The following FBN2 variants were observed in gnomAD, a reference collection of about 807,000 sequenced individuals.
The protein encoded by FBN2 is fibrillin 2.
In FBN2, 105 loss-of-function variants were observed where a neutral mutation model predicts 355.6. That is an observed-to-expected ratio of 0.30 (90% CI 0.25 to 0.35). The LOEUF is 0.35. Among genes scored for constraint, FBN2 ranks in the 10% least tolerant of loss-of-function variants. The pLI is 1.00. For missense variants in FBN2, 3,280 were observed against 3,758.7 expected (o/e 0.87, Z 3.33); for synonymous variants, 1,350 against 1,301.2 (o/e 1.04, Z -0.81).
Position 128,418,483 on chromosome 5 carries a change from G to A in FBN2, c.953-9684C>T, listed in dbSNP as rs376301322. The stretch of plus-strand genomic sequence containing the variant: ...ACTTTTTCTGACCCAGGTATTTATT[G>A]CTACAAACTTTCCTCTTAGCATTAC... On this transcript the variant is annotated intron_variant, in intron 7 of 64. Transcript: ENST00000262464. Among the ~76,000 whole-genome samples the A allele has an allele frequency of 2.0e-5, 3 of 152,050 alleles. No homozygotes were observed. The East Asian group carries it at 5.8e-4, about 29-fold the overall frequency.
At chr5:128,341,479 C>T (rs1751018989) in intron 25 of FBN2, among the ~76,000 whole-genome samples, 1 of 152,198 alleles carries the variant, frequency 6.6e-6, no homozygotes, top group Admixed American at 6.5e-5. Context: ...CTCCCCCTCC[C>T]CGTCAGCTAT....
At chr5:128,288,719 A>G (rs1320333926) in intron 52 of FBN2, among the ~76,000 whole-genome samples, 162 bp from the exon 53 acceptor site, 1 of 152,206 alleles carries the variant, frequency 6.6e-6, no homozygotes, top group Non-Finnish European at 1.5e-5. Context: ...TATGTAGTGC[A>G]GAGGGTCTGA....
intron 39 of FBN2, among the ~76,000 whole-genome samples, chr5:128,310,398 ATATATTTTTTTTTTTT>A (rs1446129722): frequency 8.9e-4 from 10 of 11,220 alleles, no homozygotes; most frequent in African/African-American, 1.7e-3. Flanking sequence ...ATATATATAT[ATATATTTTTTTTTTTT>A]TTTTTTTATT....
chr5:128,391,585 T>G (rs1364029750), intron 11 of FBN2, among the ~76,000 whole-genome samples: 1 of 152,200 alleles, frequency 6.6e-6, no homozygotes, highest in Admixed American at 6.5e-5. Flanking sequence ...TTTTAAGAGT[T>G]GAAATGAGTC....
intron 5 of FBN2, among the ~76,000 whole-genome samples, chr5:128,487,230 T>C (rs1479805164): frequency 1.3e-5 from 2 of 152,178 alleles, no homozygotes; most frequent in African/African-American, 4.8e-5. Flanking sequence ...AGATAGAGCC[T>C]CCTTCATTCC....
chr5:128,528,199 A>T (rs954727828), intron 3 of FBN2, among the ~76,000 whole-genome samples: 3 of 151,296 alleles, frequency 2.0e-5, no homozygotes, highest in Admixed American at 6.6e-5. Context: ...TTCCAATGTT[A>T]AAAAAAAATA....
At chr5:128,497,603 T>G (rs778829953) in intron 5 of FBN2, among the ~76,000 whole-genome samples, 1 of 152,206 alleles carries the variant, frequency 6.6e-6, no homozygotes, top group African/African-American at 2.4e-5. Context: ...CGATCTAGAC[T>G]TCTATGTTTT....
At chr5:128,484,418 T>C (rs1297415794) in intron 5 of FBN2, among the ~76,000 whole-genome samples, 2 of 152,152 alleles carry the variant, frequency 1.3e-5, no homozygotes, top group African/African-American at 4.8e-5. Flanking sequence ...ATATATATAT[T>C]TGCCATAAAT....
intron 57 of FBN2, 38 bp downstream of exon 57, chr5:128,278,597 T>C: frequency 3.2e-6 from 5 of 1,550,388 alleles, no homozygotes; most frequent in Non-Finnish European, 4.5e-6. Flanking sequence ...TAAAATTTAA[T>C]GTGTTGATTA....
intron 7 of FBN2, among the ~76,000 whole-genome samples, chr5:128,437,781 GA>G (rs1753808638): frequency 5.2e-5 from 2 of 38,192 alleles, no homozygotes; most frequent in African/African-American, 3.5e-4. Flanking sequence ...TGTATAGATA[GA>G]TAGATAGATA....
chr5:128,531,465 T>A (rs751767949), intron 2 of FBN2, among the ~76,000 whole-genome samples: 10 of 152,010 alleles, frequency 6.6e-5, no homozygotes, highest in Non-Finnish European at 1.3e-4. Context: ...CAGTGGACAC[T>A]GCTCAGGTGA....
At chr5:128,338,143 A>T in intron 26 of FBN2, 21 bp from the exon 27 acceptor site, 1 of 1,613,032 alleles carries the variant, frequency 6.2e-7, no homozygotes, top group Non-Finnish European at 8.5e-7. Flanking sequence ...AAAACGTGAG[A>T]TCCATTAAAG....
At chr5:128,428,513 C>T (rs1303027827) in intron 7 of FBN2, among the ~76,000 whole-genome samples, 1 of 152,110 alleles carries the variant, frequency 6.6e-6, no homozygotes, top group Non-Finnish European at 1.5e-5. Flanking sequence ...ACTTGCTGGC[C>T]CCCATCAGGA....
At chr5:128,390,169 T>C (rs1226977856) in intron 11 of FBN2, among the ~76,000 whole-genome samples, 1 of 152,172 alleles carries the variant, frequency 6.6e-6, no homozygotes, top group Non-Finnish European at 1.5e-5. Flanking sequence ...CAAATCAATT[T>C]AAATGGCATT....
At chr5:128,344,171 A>G (rs1391361877) in intron 25 of FBN2, among the ~76,000 whole-genome samples, 1 of 152,224 alleles carries the variant, frequency 6.6e-6, no homozygotes, top group Non-Finnish European at 1.5e-5. Flanking sequence ...GGACTACTTG[A>G]GAACAGAAGT....
chr5:128,334,729 T>G lies in FBN2; in HGVS notation c.4089A>C (p.Thr1363=). 6.2e-7 allele frequency: 1 copy of G among 1,614,228 alleles called. No individual in the cohort carries two copies. Among genetic ancestry groups the G allele is most frequent in the Non-Finnish European group, 8.5e-7 (1 of 1,180,016 alleles). Residue 1363 remains threonine (T), a synonymous_variant, in exon 31 of 65, where the codon ACA becomes ACC. Transcript: ENST00000262464. ...QLGYSVKKGT[T]GCTDVDECEI... Reference sequence around the variant, plus strand: ...AAGCTTGAAACCTACCTGTACATCCTGTGGTCCCCTTCTTCACTGAGTAAC... The same window carrying G: ...AAGCTTGAAACCTACCTGTACATCCGGTGGTCCCCTTCTTCACTGAGTAAC...
At chr5:128,349,595 T>A in intron 22 of FBN2, 123 bp from the exon 23 acceptor site, 1 of 1,214,518 alleles carries the variant, frequency 8.2e-7, no homozygotes, top group Non-Finnish European at 1.2e-6. Context: ...TTACTTGAGT[T>A]AAACAGAAAT....
chr5:128,439,968 G>A lies in FBN2; in HGVS notation c.952+6513C>T, dbSNP rs1202384802. On this transcript the variant is annotated intron_variant, in intron 7 of 64. Transcript: ENST00000262464. ...GTGACACATAGATCCAAATTTATCT[G>A]TTTCAAATAATACCCTGTCATCTCA... 1.2e-4 allele frequency among the ~76,000 whole-genome samples: 18 copies of A among 152,008 alleles called. 1 individual carries two copies. Among genetic ancestry groups the A allele is most frequent in the Admixed American group, 1.1e-3 (17 of 15,268 alleles).
At chr5:128,408,840 T>C (rs757498283) in intron 7 of FBN2, 41 bp from the exon 8 acceptor site, 2 of 1,611,774 alleles carry the variant, frequency 1.2e-6, no homozygotes, top group South Asian at 1.1e-5. Flanking sequence ...AGAAAGGCCT[T>C]CATTAAATAG....
Sources: allele counts gnomAD v4.1 joint callset (sites outside exome capture counted in the v4.1 genomes callset), GRCh38; gene constraint gnomAD v4.1.1; transcripts MANE v1.5; gene names NCBI Gene and HGNC (gene_info 2026-07-23, HGNC 2026-07-21).